The following CAMTA1 variants were observed in gnomAD, a reference collection of about 807,000 sequenced individuals.
CAMTA1 encodes the protein calmodulin-binding transcription activator 1.
In CAMTA1, 27 loss-of-function variants were observed where a neutral mutation model predicts 170.9. The observed-to-expected ratio is 0.16, with a 90% CI of 0.12 to 0.22. The LOEUF (loss-of-function observed/expected upper bound fraction) is 0.22, where lower values mean the gene tolerates loss of function less well. Among genes scored for constraint, CAMTA1 ranks in the 10% least tolerant of loss-of-function variants. CAMTA1 has a pLI of 1.00. For missense variants in CAMTA1, 1,619 were observed against 2,217.2 expected (o/e 0.73, Z 5.42); for synonymous variants, 833 against 891.5 (o/e 0.93, Z 1.17).
intron 4 of CAMTA1, among the ~76,000 whole-genome samples, chr1:7,116,038 A>C (rs1184527088): frequency 6.6e-6 from 1 of 152,146 alleles, no homozygotes; most frequent in African/African-American, 2.4e-5. Flanking sequence ...ATTGACACAT[A>C]ACATTTTACC....
At chr1:6,851,328 A>G (rs977355994) in intron 3 of CAMTA1, among the ~76,000 whole-genome samples, 1 of 152,218 alleles carries the variant, frequency 6.6e-6, no homozygotes, top group Non-Finnish European at 1.5e-5. Context: ...TACATTAGTA[A>G]TAAGTAGAAA....
rs561618479 is a variant in CAMTA1 at position 7,581,327 on chromosome 1, C to G, written c.511-59073C>G. Among the ~76,000 whole-genome samples, 3 of 152,334 alleles carry G rather than the reference C, an allele frequency of 2.0e-5. No individual in the cohort carries two copies. The South Asian group carries it at 6.2e-4, about 32-fold the overall frequency. ...CTCTGAATTGCTAAGCAACAGTGTC[C>G]GTTCTCTCACATGGAGAAAATTGAA... On this transcript the variant is annotated intron_variant, in intron 6 of 22. Coordinates refer to ENST00000303635, the MANE Select transcript of CAMTA1 (RefSeq NM_015215.4).
chr1:7,641,511 T>G lies in CAMTA1; in HGVS notation c.664+958T>G, dbSNP rs1057433566. ...GGAGGAAAGGTGAAGGTCCTGTGCC[T>G]GGGAGGGCCCAGGCTGAGGCTACGG... On this transcript the variant is annotated intron_variant, in intron 7 of 22. Transcript: ENST00000303635. The surrounding 1 kb of genome is among the most constrained non-coding windows in gnomAD (Gnocchi z 4.5). Among the ~76,000 whole-genome samples, 42 of 152,144 alleles carry G rather than the reference T, an allele frequency of 2.8e-4. 1 individual carries two copies. The highest frequency in any genetic ancestry group is 5.6e-4 in the Non-Finnish European group (38 of 68,004).
chr1:7,129,202 G>A (rs532379418), intron 4 of CAMTA1, among the ~76,000 whole-genome samples: 3 of 152,222 alleles, frequency 2.0e-5, no homozygotes, highest in South Asian at 2.1e-4. Context: ...CTGGTATGTG[G>A]AAGGACTTGC....
intron 5 of CAMTA1, among the ~76,000 whole-genome samples, chr1:7,342,069 T>C (rs2083874478): frequency 6.6e-6 from 1 of 152,224 alleles, no homozygotes; most frequent in Non-Finnish European, 1.5e-5. Context: ...CACTGTATTT[T>C]ACAAATGCAG....
intron 11 of CAMTA1, among the ~76,000 whole-genome samples, chr1:7,701,484 T>C (rs1435172370): frequency 6.6e-6 from 1 of 152,080 alleles, no homozygotes; most frequent in East Asian, 1.9e-4. Context: ...GGTGTGATCA[T>C]GGCTTACTGC....
chr1:6,798,161 A>G (rs1642992604), intron 1 of CAMTA1, among the ~76,000 whole-genome samples: 1 of 151,498 alleles, frequency 6.6e-6, no homozygotes, highest in African/African-American at 2.4e-5. Context: ...ACGCTGGGCT[A>G]ATTTTTGTAT....
At chr1:7,353,845 A>AT (rs1459763596) in intron 5 of CAMTA1, among the ~76,000 whole-genome samples, 1 of 151,926 alleles carries the variant, frequency 6.6e-6, no homozygotes, top group Non-Finnish European at 1.5e-5. Context: ...GGTACAAATG[A>AT]TTTTGTCACC....
At chr1:7,378,620 C>T (rs2087030139) in intron 5 of CAMTA1, among the ~76,000 whole-genome samples, 1 of 152,080 alleles carries the variant, frequency 6.6e-6, no homozygotes, top group South Asian at 2.1e-4. Context: ...GGAGGGGCTG[C>T]TTCAGGAGAA....
At position 7,146,407 on chromosome 1, in the gene CAMTA1, A is replaced by G. The variant is rs1473799295; in HGVS notation, c.302+55036A>G. Among the ~76,000 whole-genome samples, 2 of 152,196 alleles carry G rather than the reference A, an allele frequency of 1.3e-5. No homozygotes were observed. The highest frequency in any genetic ancestry group is 2.9e-5 in the Non-Finnish European group (2 of 68,026). ...AGAATGTGTAGGAAGGTTATCTTTC[A>G]ATTAAGAAGGGCAGTAATGCTTCCC... On this transcript the variant is annotated intron_variant, in intron 4 of 22. Coordinates refer to ENST00000303635, the MANE Select transcript of CAMTA1 (RefSeq NM_015215.4). The surrounding 1 kb of genome is among the most constrained non-coding windows in gnomAD (Gnocchi z 4.3).
At chr1:7,029,539 A>G (rs1003862335) in intron 3 of CAMTA1, among the ~76,000 whole-genome samples, 2 of 150,738 alleles carry the variant, frequency 1.3e-5, no homozygotes, top group African/African-American at 4.9e-5. Flanking sequence ...GGTCAGCTGC[A>G]TTGAACAGGC....
chr1:7,679,558 G>T (rs1033725308), intron 11 of CAMTA1, among the ~76,000 whole-genome samples: 2 of 140,382 alleles, frequency 1.4e-5, no homozygotes, highest in African/African-American at 5.4e-5. Context: ...GCCAAGCTGG[G>T]CACCTGCTCC....
intron 5 of CAMTA1, among the ~76,000 whole-genome samples, chr1:7,414,070 G>C (rs1198978094): frequency 6.0e-4 from 90 of 150,658 alleles, no homozygotes; most frequent in African/African-American, 1.8e-3. Flanking sequence ...TATTGATTTG[G>C]GTATGTTGAA....
intron 3 of CAMTA1, among the ~76,000 whole-genome samples, chr1:7,066,548 G>T (rs1708987883): frequency 6.6e-6 from 1 of 152,328 alleles, no homozygotes; most frequent in South Asian, 2.1e-4. Flanking sequence ...AAAATGAAAT[G>T]CTTCCCCTCT....
intron 5 of CAMTA1, among the ~76,000 whole-genome samples, chr1:7,394,676 G>A (rs1363739523): frequency 6.6e-6 from 1 of 151,964 alleles, no homozygotes; most frequent in Non-Finnish European, 1.5e-5. Flanking sequence ...CCTTTGCTGT[G>A]CAGAAGCTTT....
At chr1:7,526,271 G>A (rs2094430732) in intron 6 of CAMTA1, among the ~76,000 whole-genome samples, 1 of 152,090 alleles carries the variant, frequency 6.6e-6, no homozygotes, top group East Asian at 1.9e-4. Flanking sequence ...TCTGGAGGCT[G>A]GAGTTCCAGT....
chr1:7,585,988 G>T lies in CAMTA1; in HGVS notation c.511-54412G>T, dbSNP rs2095306576. Among the ~76,000 whole-genome samples, 1 of 152,142 alleles carries T rather than the reference G, an allele frequency of 6.6e-6. No homozygotes were observed. Among genetic ancestry groups the T allele is most frequent in the Admixed American group, 6.5e-5 (1 of 15,290 alleles). ...ACATGCACTCACAGGGCAGGGACAA[G>T]TTTGCGGTAGAAATCCCCAAGATTG... On this transcript the variant is annotated intron_variant, in intron 6 of 22. Transcript: ENST00000303635. This position sits in a 1 kb window ranked among gnomAD's most constrained non-coding sequence, Gnocchi z 4.8.
At chr1:7,627,183 C>T (rs2095639403) in intron 6 of CAMTA1, among the ~76,000 whole-genome samples, 1 of 152,184 alleles carries the variant, frequency 6.6e-6, no homozygotes, top group Non-Finnish European at 1.5e-5. Flanking sequence ...CAAGAATTGT[C>T]TCAGAGATCC....
At chr1:6,902,068 CACACAA>C (rs1438420420) in intron 3 of CAMTA1, among the ~76,000 whole-genome samples, 2 of 72,494 alleles carry the variant, frequency 2.8e-5, no homozygotes, top group African/African-American at 4.1e-5. Flanking sequence ...CACACACACA[CACACAA>C]AAAAAAAAAT....
Sources: gnomAD v4.1 joint callset for allele counts (sites outside exome capture counted in the v4.1 genomes callset) on GRCh38, gnomAD v4.1.1 for gene constraint, Gnocchi (gnomAD v3.1) non-coding constraint, MANE v1.5 for transcripts, NCBI Gene and HGNC (gene_info 2026-07-23, HGNC 2026-07-21) for gene names.